PALS2: variants seen among roughly 807,000 people sequenced by gnomAD.
The protein encoded by PALS2 is protein associated with LIN7 2, MAGUK p55 family member.
A neutral mutation model predicts 61.6 loss-of-function variants in PALS2; 27 were observed. The ratio of observed to expected loss-of-function variants is 0.44; its 90% CI spans 0.32 to 0.60. The LOEUF is 0.60. PALS2 is among the 20% of genes least tolerant of loss of function. The pLI is 0.05. For missense variants in PALS2, 554 were observed against 639.4 expected (o/e 0.87, Z 1.44); for synonymous variants, 236 against 218.6 (o/e 1.08, Z -0.70).
intron 3 of PALS2, among the ~76,000 whole-genome samples, chr7:24,647,597 A>G (rs915501261): frequency 3.9e-5 from 6 of 152,174 alleles, no homozygotes; most frequent in Admixed American, 1.3e-4. Context: ...TCTGTTCTAC[A>G]TTATTAGCTA....
At chr7:24,653,242 G>A (rs1786251193) in intron 5 of PALS2, among the ~76,000 whole-genome samples, 1 of 152,114 alleles carries the variant, frequency 6.6e-6, no homozygotes, top group Admixed American at 6.5e-5. Context: ...TATGCTAGGA[G>A]AGTTTCATAT....
At chr7:24,647,692 C>T (rs556531364) in intron 3 of PALS2, among the ~76,000 whole-genome samples, 17 of 152,138 alleles carry the variant, frequency 1.1e-4, no homozygotes, top group Non-Finnish European at 2.1e-4. Context: ...CTTGATCCTT[C>T]CTTTTACTAA....
intron 9 of PALS2, among the ~76,000 whole-genome samples, chr7:24,671,640 G>A (rs1308611950): frequency 1.3e-5 from 2 of 152,002 alleles, no homozygotes; most frequent in Non-Finnish European, 2.9e-5. Flanking sequence ...TTTTACTCCT[G>A]TATTTTATTT....
Position 24,638,399 on chromosome 7 carries a change from C to T in PALS2, c.118-3317C>T, listed in dbSNP as rs1269238701. ...AGGCTGGAGTGCAGTGGCGGGATCT[C>T]GGCTCACTGCAAGCTCCGCCTCCCG... On this transcript the variant is annotated intron_variant, in intron 2 of 11. Coordinates refer to ENST00000222644, the MANE Select transcript of PALS2 (RefSeq NM_001303037.2). 1.9e-4 allele frequency among the ~76,000 whole-genome samples: 6 copies of T among 31,640 alleles called. 2 individuals are homozygous for T. The highest frequency in any genetic ancestry group is 2.5e-4 in the Non-Finnish European group (6 of 23,970). The allele number at this position is 31,640 out of a possible 152,430, so 20.8% of individuals were successfully genotyped here. A position where few individuals can be genotyped will look rare whatever the true frequency, so the allele number is the denominator to read the frequency against.
chr7:24,596,535 A>G lies in PALS2; in HGVS notation c.-3+22942A>G, dbSNP rs555245143. Among the ~76,000 whole-genome samples the G allele has an allele frequency of 1.6e-4, 25 of 152,172 alleles. No individual in the cohort carries two copies. Among genetic ancestry groups the G allele is most frequent in the Non-Finnish European group, 3.2e-4 (22 of 68,016 alleles). Reference sequence around the variant, plus strand: ...TTATGAATGTTTATTAGGTGTGTAAAACATTTTCAAACAATTTTGATTCAT... The same window carrying G: ...TTATGAATGTTTATTAGGTGTGTAAGACATTTTCAAACAATTTTGATTCAT... On this transcript the variant is annotated intron_variant, in intron 1 of 11. Transcript: ENST00000222644. The surrounding 1 kb of genome is among the most constrained non-coding windows in gnomAD (Gnocchi z 4.5).
intron 1 of PALS2, among the ~76,000 whole-genome samples, chr7:24,574,974 C>T (rs914656200): frequency 4.6e-5 from 7 of 152,072 alleles, no homozygotes; most frequent in Non-Finnish European, 8.8e-5. Context: ...TCTTCTGAGG[C>T]CTTGTTAACA....
intron 1 of PALS2, among the ~76,000 whole-genome samples, chr7:24,585,542 A>G (rs1244681992): frequency 6.6e-6 from 1 of 152,158 alleles, no homozygotes; most frequent in Non-Finnish European, 1.5e-5. Flanking sequence ...CTTGCTATAT[A>G]GCCAAGTCGG....
At chr7:24,659,884 C>T (rs546957963) in intron 5 of PALS2, among the ~76,000 whole-genome samples, 1 of 152,292 alleles carries the variant, frequency 6.6e-6, no homozygotes, top group African/African-American at 2.4e-5. Flanking sequence ...GCAGCCTTTC[C>T]TCACTGATAC....
intron 9 of PALS2, among the ~76,000 whole-genome samples, chr7:24,677,055 G>A: frequency 6.6e-6 from 1 of 151,802 alleles, no homozygotes; most frequent in East Asian, 1.9e-4. Context: ...ATTTCGTTGA[G>A]CAGTGGTTTG....
chr7:24,669,910 T>C (rs2128089977), intron 9 of PALS2, among the ~76,000 whole-genome samples: 1 of 152,344 alleles, frequency 6.6e-6, no homozygotes, highest in African/African-American at 2.4e-5. Flanking sequence ...GTAAAAAGTT[T>C]TTCGCTTTTA....
chr7:24,640,955 C>T (rs1785512815), intron 2 of PALS2, among the ~76,000 whole-genome samples: 3 of 131,582 alleles, frequency 2.3e-5, no homozygotes, highest in African/African-American at 9.0e-5. Context: ...TTGCAGTGAG[C>T]TGAGGTCGCG....
intron 11 of PALS2, among the ~76,000 whole-genome samples, chr7:24,686,015 T>A (rs1455857786): frequency 6.6e-6 from 1 of 152,150 alleles, no homozygotes; most frequent in Non-Finnish European, 1.5e-5. Flanking sequence ...ATCTTAAGCT[T>A]ACCATATTAC....
intron 10 of PALS2, 132 bp downstream of exon 10, chr7:24,679,465 G>T (rs1384658145): frequency 1.3e-5 from 10 of 794,534 alleles, no homozygotes; most frequent in Middle Eastern, 2.6e-4. Flanking sequence ...ATTACCTTTG[G>T]GTGATAGAGA....
chr7:24,625,765 T>C (rs1784713539), intron 2 of PALS2, among the ~76,000 whole-genome samples: 1 of 152,040 alleles, frequency 6.6e-6, no homozygotes, highest in Non-Finnish European at 1.5e-5. Context: ...CTTTTGATGA[T>C]AAAAATGAAA....
chr7:24,617,994 A>G (rs925384442), intron 1 of PALS2, among the ~76,000 whole-genome samples: 1 of 152,186 alleles, frequency 6.6e-6, no homozygotes, highest in African/African-American at 2.4e-5. Flanking sequence ...GGCTGGGTGC[A>G]CAACTGCTTA....
At chr7:24,662,793 A>AAAAAG (rs1786800616) in intron 5 of PALS2, among the ~76,000 whole-genome samples, 1 of 127,782 alleles carries the variant, frequency 7.8e-6, no homozygotes, top group Non-Finnish European at 1.7e-5. Flanking sequence ...AAAAAAAAAA[A>AAAAAG]AAAGAAAGAA....
chr7:24,631,811 C>G (rs1401685564), intron 2 of PALS2, among the ~76,000 whole-genome samples: 1 of 152,142 alleles, frequency 6.6e-6, no homozygotes, highest in African/African-American at 2.4e-5. Context: ...AGGCTCTGAT[C>G]CTTAGCATTT....
At position 24,638,990 on chromosome 7, in the gene PALS2, T is replaced by C. The variant is rs550439054; in HGVS notation, c.118-2726T>C. Among the ~76,000 whole-genome samples, 10 of 152,328 alleles carry C rather than the reference T, an allele frequency of 6.6e-5. No homozygotes were observed. The South Asian group carries it at 2.1e-3, about 32-fold the overall frequency. ...AGAAATAAATGGTCTTCATAGCTCTTACTTAGAGCAAAGGAGTGAAAGTCA... is the reference window on the plus strand; with the variant it reads ...AGAAATAAATGGTCTTCATAGCTCTCACTTAGAGCAAAGGAGTGAAAGTCA... On this transcript the variant is annotated intron_variant, in intron 2 of 11. Coordinates refer to ENST00000222644, the MANE Select transcript of PALS2 (RefSeq NM_001303037.2).
chr7:24,691,203 A>C lies in PALS2; in HGVS notation c.*3589A>C, dbSNP rs1330341089. The C allele has an allele frequency of 6.6e-6, 1 of 151,882 alleles. No individual in the cohort carries two copies. The highest frequency in any genetic ancestry group is 1.5e-5 in the Non-Finnish European group (1 of 67,908). The allele number at this position is 151,882 out of a possible 1,614,324, so 9.4% of individuals were successfully genotyped here. A position where few individuals can be genotyped will look rare whatever the true frequency, so the allele number is the denominator to read the frequency against. On this transcript the variant is annotated 3_prime_UTR_variant, in exon 12 of 12. Coordinates refer to ENST00000222644, the MANE Select transcript of PALS2 (RefSeq NM_001303037.2). ...ACAATTTTGAAAATTGCTCAAAATA[A>C]TAATCTACTTAAATTTTACTTTTGT...
Sources: gnomAD v4.1 joint callset for allele counts (sites outside exome capture counted in the v4.1 genomes callset) on GRCh38, gnomAD v4.1.1 for gene constraint, Gnocchi (gnomAD v3.1) non-coding constraint, MANE v1.5 for transcripts, NCBI Gene and HGNC (gene_info 2026-07-23, HGNC 2026-07-21) for gene names.